FRY: variants seen among roughly 807,000 people sequenced by gnomAD.
The protein encoded by FRY is protein furry homolog.
FRY carries 128 observed loss-of-function variants against 348.4 expected under a neutral mutation model. The observed-to-expected ratio is 0.37, with a 90% CI of 0.32 to 0.43. The LOEUF (loss-of-function observed/expected upper bound fraction) is 0.43. FRY is among the 20% of genes least tolerant of loss of function. FRY has a pLI of 1.00. For missense variants in FRY, 2,736 were observed against 3,695.2 expected (o/e 0.74, Z 6.73); for synonymous variants, 1,370 against 1,374.7 (o/e 1.00, Z 0.08).
chr13:32,219,627 C>T (rs71436468), intron 36 of FRY, among the ~76,000 whole-genome samples: 3 of 151,586 alleles, frequency 2.0e-5, no homozygotes, highest in African/African-American at 4.8e-5. Context: ...GGCATGGTGG[C>T]GGGCGCCTGT....
intron 3 of FRY, among the ~76,000 whole-genome samples, chr13:32,108,311 G>A (rs1247146136): frequency 6.6e-6 from 1 of 152,222 alleles, no homozygotes; most frequent in Non-Finnish European, 1.5e-5. Flanking sequence ...GCCTAAAGCA[G>A]TAGAATCGAT....
chr13:32,227,486 T>C (rs2138419810), intron 39 of FRY, among the ~76,000 whole-genome samples: 1 of 152,270 alleles, frequency 6.6e-6, no homozygotes, highest in Non-Finnish European at 1.5e-5. Context: ...TTTATGATTA[T>C]TAAATAGGGG....
chr13:32,210,185 A>G (rs1366196146), intron 33 of FRY, among the ~76,000 whole-genome samples: 1 of 152,274 alleles, frequency 6.6e-6, no homozygotes. Context: ...AGAAGTAAGC[A>G]TGGAGAAATC....
At chr13:32,241,514 A>G (rs1219091693) in intron 46 of FRY, among the ~76,000 whole-genome samples, 3 of 152,216 alleles carry the variant, frequency 2.0e-5, no homozygotes, top group African/African-American at 4.8e-5. Flanking sequence ...GTAGTGGAGA[A>G]TTATTATTTT....
intron 27 of FRY, 41 bp downstream of exon 27, chr13:32,186,461 TG>T: frequency 7.9e-7 from 1 of 1,262,174 alleles, no homozygotes; most frequent in Non-Finnish European, 1.2e-6. Context: ...GTCAGATGGA[TG>T]GTCTCTCTCG....
At chr13:32,234,873 A>G (rs1304094657) in intron 42 of FRY, 112 bp downstream of exon 42, 3 of 823,924 alleles carry the variant, frequency 3.6e-6, no homozygotes, top group African/African-American at 1.7e-5. Context: ...CCATCTGGAC[A>G]TGTACAATAT....
Position 32,260,116 on chromosome 13 carries a change from G to A in FRY, c.7417-1500G>A, listed in dbSNP as rs574864971. ...GTTATATGACAGATCTGTGAGAATG[G>A]CAAGCTTGTTTCACTAGGAGACAGA... On this transcript the variant is annotated intron_variant, in intron 51 of 60. Transcript: ENST00000542859. 3.3e-5 allele frequency among the ~76,000 whole-genome samples: 5 copies of A among 152,210 alleles called. No individual in the cohort carries two copies. In the East Asian group the frequency reaches 9.7e-4, roughly 29 times the overall value.
At chr13:32,276,241 G>A (rs1429963746) in intron 56 of FRY, among the ~76,000 whole-genome samples, 1 of 152,158 alleles carries the variant, frequency 6.6e-6, no homozygotes, top group Non-Finnish European at 1.5e-5. Context: ...ATACTAATAT[G>A]GGAAAGAATG....
chr13:32,296,079 G>A lies in FRY; in HGVS notation c.*619G>A, dbSNP rs1433024175. 1 of 153,226 alleles carries A rather than the reference G, an allele frequency of 6.5e-6. No individual in the cohort carries two copies. The highest frequency in any genetic ancestry group is 2.4e-5 in the African/African-American group (1 of 41,426). The allele number at this position is 153,226 out of a possible 1,614,324, so 9.5% of individuals were successfully genotyped here. On this transcript the variant is annotated 3_prime_UTR_variant, in exon 61 of 61. Transcript: ENST00000542859. ...AATACAATTACTGTATCTAAAAGGA[G>A]CTGCTATGAAGTACCTTTCTTATGT... is the stretch of plus-strand genomic sequence containing the variant.
intron 1 of FRY, among the ~76,000 whole-genome samples, chr13:32,036,075 T>C (rs184456687): frequency 3.3e-5 from 5 of 152,304 alleles, no homozygotes; most frequent in African/African-American, 1.2e-4. Flanking sequence ...GCAGTGTTTA[T>C]TGATGCCTGT....
intron 29 of FRY, among the ~76,000 whole-genome samples, chr13:32,200,092 C>G (rs867888624): frequency 2.6e-5 from 4 of 152,278 alleles, no homozygotes; most frequent in African/African-American, 7.2e-5. Flanking sequence ...ACTGGCCCCA[C>G]TCCTATGATA....
chr13:32,069,280 A>G (rs1874468394), intron 1 of FRY, among the ~76,000 whole-genome samples: 1 of 152,080 alleles, frequency 6.6e-6, no homozygotes, highest in Non-Finnish European at 1.5e-5. Context: ...TAAAAAGTGC[A>G]TTTTCATTCA....
At chr13:32,257,232 T>C (rs181142267) in intron 51 of FRY, among the ~76,000 whole-genome samples, 11 of 152,332 alleles carry the variant, frequency 7.2e-5, no homozygotes, top group African/African-American at 2.6e-4. Context: ...ATGTATAGTG[T>C]CTAGCAAAGT....
At chr13:32,036,604 T>G (rs1181887531) in intron 1 of FRY, among the ~76,000 whole-genome samples, 1 of 152,182 alleles carries the variant, frequency 6.6e-6, no homozygotes, top group Non-Finnish European at 1.5e-5. Context: ...TGTGACACTT[T>G]GGAGAGTGAA....
At chr13:32,123,516 C>T (rs887210456) in intron 4 of FRY, among the ~76,000 whole-genome samples, 1 of 152,182 alleles carries the variant, frequency 6.6e-6, no homozygotes, top group Non-Finnish European at 1.5e-5. Context: ...CTCTTCACCC[C>T]TGCAGTCCTG....
chr13:32,225,345 G>A (rs566985816), intron 38 of FRY, among the ~76,000 whole-genome samples: 245 of 152,288 alleles, frequency 1.6e-3, no homozygotes, highest in African/African-American at 5.3e-3. Context: ...TAAGCTATGA[G>A]GCATAGTCAG....
chr13:32,135,204 C>T (rs56403694), intron 10 of FRY, 21 bp downstream of exon 10: 29 of 1,431,082 alleles, frequency 2.0e-5, no homozygotes, highest in Middle Eastern at 1.8e-4. Flanking sequence ...ATGAGAAAAT[C>T]GAAAACACAA....
chr13:32,131,010 T>G (rs536414598), intron 7 of FRY, among the ~76,000 whole-genome samples: 1 of 152,256 alleles, frequency 6.6e-6, no homozygotes, highest in African/African-American at 2.4e-5. Flanking sequence ...GAGATGGGGC[T>G]TCATCATATT....
intron 14 of FRY, among the ~76,000 whole-genome samples, chr13:32,152,530 A>T (rs1880860567): frequency 6.6e-6 from 1 of 152,188 alleles, no homozygotes; most frequent in East Asian, 1.9e-4. Context: ...TTCAATGGAT[A>T]GAAGATAATG....
Sources: allele counts gnomAD v4.1 joint callset (sites outside exome capture counted in the v4.1 genomes callset), GRCh38; gene constraint gnomAD v4.1.1; transcripts MANE v1.5; gene names NCBI Gene and HGNC (gene_info 2026-07-23, HGNC 2026-07-21).